GNG4: variants seen among roughly 807,000 people sequenced by gnomAD.
The protein encoded by GNG4 is G protein subunit gamma 4, also known as guanine nucleotide-binding protein G(I)/G(S)/G(O) subunit gamma-4.
In GNG4, 4 loss-of-function variants were observed where a neutral mutation model predicts 5.8. That is an observed-to-expected ratio of 0.69 (90% CI 0.34 to 1.57). The LOEUF (loss-of-function observed/expected upper bound fraction) is 1.57. Ranked by LOEUF, GNG4 falls within the 40% of genes most tolerant of loss-of-function variation. The pLI is 0.06. For missense variants in GNG4, 96 were observed against 95.1 expected (o/e 1.01, Z -0.04); for synonymous variants, 29 against 32.9 (o/e 0.88, Z 0.41).
upstream of GNG4, chr1:235,650,502 C>G (rs781626010): frequency 6.6e-6 from 1 of 152,330 alleles, no homozygotes; most frequent in Non-Finnish European, 1.5e-5. Context: ...AGGGACGCCT[C>G]GGAAGCCTCC....
chr1:235,604,974 C>G (rs967330867), intron 1 of GNG4, among the ~76,000 whole-genome samples: 1 of 152,048 alleles, frequency 6.6e-6, no homozygotes, highest in Non-Finnish European at 1.5e-5. Flanking sequence ...AACTGAGAAG[C>G]AGAATTTATA....
intron 3 of GNG4, among the ~76,000 whole-genome samples, chr1:235,558,927 T>C (rs560395331): frequency 3.9e-5 from 6 of 152,266 alleles, no homozygotes; most frequent in African/African-American, 1.4e-4. Flanking sequence ...GTAAAAGAGG[T>C]GATTAAGGCA....
At position 235,642,771 on chromosome 1, in the gene GNG4, G is replaced by A. The variant is rs1558507358; in HGVS notation, c.-123+6891C>T. ...GGCCTCCCTGCTGTCATCACACCTC[G>A]GATCACCCCAGGCAATCTCGCCCCT... On this transcript the variant is annotated intron_variant, in intron 1 of 3. Coordinates refer to ENST00000391854, the MANE Select transcript of GNG4 (RefSeq NM_001098722.2). The surrounding 1 kb of genome is among the most constrained non-coding windows in gnomAD (Gnocchi z 4.3). Among the ~76,000 whole-genome samples, 1 of 152,114 alleles carries A rather than the reference G, an allele frequency of 6.6e-6. No homozygotes were observed. Among genetic ancestry groups the A allele is most frequent in the Non-Finnish European group, 1.5e-5 (1 of 68,024 alleles).
At chr1:235,650,062 G>A (rs1657633778), upstream of GNG4, 1 of 150,652 alleles carries the variant, frequency 6.6e-6, no homozygotes. Context: ...TGCCACCGAC[G>A]TCACTGCTGC....
At chr1:235,553,772 C>A (rs1686819160) in intron 3 of GNG4, among the ~76,000 whole-genome samples, 1 of 152,158 alleles carries the variant, frequency 6.6e-6, no homozygotes, top group Admixed American at 6.5e-5. Context: ...GAACATCAGG[C>A]TTCTAGATCT....
chr1:235,601,213 T>G (rs1688251611), intron 1 of GNG4, among the ~76,000 whole-genome samples: 1 of 152,156 alleles, frequency 6.6e-6, no homozygotes, highest in Non-Finnish European at 1.5e-5. Flanking sequence ...TGGGCTGACA[T>G]CTGAAATACA....
chr1:235,643,494 A>C (rs10926341), intron 1 of GNG4, among the ~76,000 whole-genome samples: 1 of 152,074 alleles, frequency 6.6e-6, no homozygotes, highest in Non-Finnish European at 1.5e-5. Flanking sequence ...GTGCATGACC[A>C]TATCTTATTT....
At chr1:235,591,748 G>A (rs1294864852) in intron 2 of GNG4, among the ~76,000 whole-genome samples, 1 of 152,214 alleles carries the variant, frequency 6.6e-6, no homozygotes, top group Non-Finnish European at 1.5e-5. Context: ...GATGAGGCAA[G>A]GGGGAAAAGG....
At chr1:235,610,213 T>C (rs555973902) in intron 1 of GNG4, among the ~76,000 whole-genome samples, 1 of 152,122 alleles carries the variant, frequency 6.6e-6, no homozygotes, top group Non-Finnish European at 1.5e-5. Flanking sequence ...AGAACACCCC[T>C]CAATTCGGGC....
At chr1:235,565,007 A>G (rs570282215) in intron 3 of GNG4, among the ~76,000 whole-genome samples, 1 of 152,328 alleles carries the variant, frequency 6.6e-6, no homozygotes, top group South Asian at 2.1e-4. Context: ...CTAAGTTTAC[A>G]TTGATTGAAT....
upstream of GNG4, chr1:235,649,927 G>A (rs549364365): frequency 2.0e-5 from 3 of 149,952 alleles, no homozygotes; most frequent in Non-Finnish European, 3.0e-5. The surrounding 1 kb of genome is among the most constrained non-coding windows in gnomAD (Gnocchi z 5.7). Flanking sequence ...GCTTCTGCTC[G>A]GCCCCCTGTG....
At position 235,569,420 on chromosome 1, in the gene GNG4, T is replaced by G. The variant is rs554465423; in HGVS notation, c.99+14320A>C. 4.3e-3 allele frequency among the ~76,000 whole-genome samples: 625 copies of G among 146,290 alleles called. 5 individuals carry two copies. The highest frequency in any genetic ancestry group is 0.014 in the African/African-American group (538 of 39,754). On this transcript the variant is annotated intron_variant, in intron 3 of 3. Transcript: ENST00000391854. Reference sequence around the variant, plus strand: ...CTGCAGTGAGCCAAGATCACGACACTGCACTCCAGCCTGGGTGACAGAGGG... The same window carrying G: ...CTGCAGTGAGCCAAGATCACGACACGGCACTCCAGCCTGGGTGACAGAGGG...
chr1:235,603,247 AATG>A (rs1421692480), intron 1 of GNG4, among the ~76,000 whole-genome samples: 1 of 132,304 alleles, frequency 7.6e-6, no homozygotes, highest in African/African-American at 2.9e-5. Flanking sequence ...CTATCTCAAT[AATG>A]ATAATAATAA....
chr1:235,624,303 G>A (rs1165855830), intron 1 of GNG4, among the ~76,000 whole-genome samples: 2 of 151,520 alleles, frequency 1.3e-5, no homozygotes, highest in African/African-American at 4.8e-5. Flanking sequence ...TAGAGATGGG[G>A]GTTTCACCAT....
intron 1 of GNG4, chr1:235,615,637 T>C: frequency 9.0e-6 from 2 of 222,026 alleles, no homozygotes; most frequent in Non-Finnish European, 9.9e-6. Flanking sequence ...GTCTGGGGGC[T>C]TTTATTTTTA....
intron 1 of GNG4, among the ~76,000 whole-genome samples, chr1:235,623,175 T>C (rs986658292): frequency 6.6e-6 from 1 of 152,168 alleles, no homozygotes; most frequent in African/African-American, 2.4e-5. Context: ...ATCTTGGAGA[T>C]TTAGCCTGCA....
chr1:235,633,952 C>A (rs989784561), intron 1 of GNG4, among the ~76,000 whole-genome samples: 7 of 152,112 alleles, frequency 4.6e-5, no homozygotes, highest in African/African-American at 1.7e-4. Flanking sequence ...AGACGAGAAT[C>A]CAAATGTGAG....
At chr1:235,570,489 C>T (rs1399136042) in intron 3 of GNG4, among the ~76,000 whole-genome samples, 5 of 151,348 alleles carry the variant, frequency 3.3e-5, no homozygotes, top group African/African-American at 7.3e-5. Context: ...CTCCGCCTCC[C>T]GGGTTCAAGC....
chr1:235,593,788 T>TCGCTGGCTTCAGGAGTGAAGC (rs1553368525), intron 2 of GNG4, among the ~76,000 whole-genome samples: 1 of 152,164 alleles, frequency 6.6e-6, no homozygotes, highest in African/African-American at 2.4e-5. Flanking sequence ...GTTTGTGGTC[T>TCGCTGGCTTCAGGAGTGAAGC]CGCTGGCTTC....
Sources: gnomAD v4.1 joint callset for allele counts (sites outside exome capture counted in the v4.1 genomes callset) on GRCh38, gnomAD v4.1.1 for gene constraint, Gnocchi (gnomAD v3.1) non-coding constraint, MANE v1.5 for transcripts, NCBI Gene and HGNC (gene_info 2026-07-23, HGNC 2026-07-21) for gene names.